HPCAL1: variants seen among roughly 807,000 people sequenced by gnomAD.
HPCAL1 encodes the protein hippocalcin-like protein 1.
Under a neutral mutation model 17.1 loss-of-function variants are expected in HPCAL1, and 8 were observed. The observed-to-expected ratio is 0.47, with a 90% CI of 0.27 to 0.84. The LOEUF (loss-of-function observed/expected upper bound fraction) is 0.84. Ranked by LOEUF, HPCAL1 falls within the 40% of genes least tolerant of loss-of-function variation. The pLI is 0.13. For synonymous variants in HPCAL1, 112 were observed against 111.4 expected (o/e 1.01, Z -0.03); for missense variants, 165 against 271.1 (o/e 0.61, Z 2.75).
chr2:10,328,931 T>C (rs1019983671), intron 1 of HPCAL1, among the ~76,000 whole-genome samples: 4 of 151,564 alleles, frequency 2.6e-5, no homozygotes, highest in Non-Finnish European at 5.9e-5. Flanking sequence ...TCACTAGTGG[T>C]GAGCCTTTAA....
chr2:10,309,085 A>G (rs1346923849), intron 1 of HPCAL1, among the ~76,000 whole-genome samples: 1 of 151,678 alleles, frequency 6.6e-6, no homozygotes, highest in African/African-American at 2.4e-5. Flanking sequence ...CCCAGGCTGG[A>G]GTGCAGTGAT....
At chr2:10,388,076 A>AG (rs1485107946) in intron 1 of HPCAL1, among the ~76,000 whole-genome samples, 2 of 152,110 alleles carry the variant, frequency 1.3e-5, no homozygotes, top group Non-Finnish European at 2.9e-5. Flanking sequence ...CTTCTGGACT[A>AG]GGGTTCTAAG....
At position 10,423,059 on chromosome 2, in the gene HPCAL1, T is replaced by C; in HGVS notation, c.455T>C (p.Ile152Thr). ...ACCCCGGAGAAGCGCACAGACAAGA[T>C]CTTCAGGCAGATGGACACCAACAAT... is the stretch of plus-strand genomic sequence containing the variant. ...ESTPEKRTDK[I>T]FRQMDTNNDG... The change falls in exon 4 of 5, where the codon ATC (isoleucine) becomes ACC (threonine). Residue 152 changes from isoleucine to threonine, a missense_variant. Coordinates refer to ENST00000307845, the MANE Select transcript of HPCAL1 (RefSeq NM_002149.4). 1 of 1,613,434 alleles carries C rather than the reference T, an allele frequency of 6.2e-7. No homozygotes were observed. Among genetic ancestry groups the C allele is most frequent in the Non-Finnish European group, 8.5e-7 (1 of 1,179,830 alleles).
intron 1 of HPCAL1, among the ~76,000 whole-genome samples, chr2:10,316,776 C>G (rs1274785439): frequency 6.6e-6 from 1 of 152,242 alleles, no homozygotes; most frequent in Non-Finnish European, 1.5e-5. Flanking sequence ...TTGCTACTCA[C>G]TCAGTGGCTG....
At position 10,377,401 on chromosome 2, in the gene HPCAL1, G is replaced by C. The variant is rs1667637198; in HGVS notation, c.-110-19434G>C. Reference sequence around the variant, plus strand: ...TGCAAAGGTAACTGGCATTCTGCCGGCTGCTCAACTCTGTGGACACCAGTA... The same window carrying C: ...TGCAAAGGTAACTGGCATTCTGCCGCCTGCTCAACTCTGTGGACACCAGTA... On this transcript the variant is annotated intron_variant, in intron 1 of 4. Coordinates refer to ENST00000307845, the MANE Select transcript of HPCAL1 (RefSeq NM_002149.4). This position sits in a 1 kb window ranked among gnomAD's most constrained non-coding sequence, Gnocchi z 5.9. Among the ~76,000 whole-genome samples, 1 of 152,200 alleles carries C rather than the reference G, an allele frequency of 6.6e-6. No homozygotes were observed. Among genetic ancestry groups the C allele is most frequent in the Admixed American group, 6.5e-5 (1 of 15,286 alleles).
intron 3 of HPCAL1, among the ~76,000 whole-genome samples, chr2:10,421,096 G>A (rs1266766883): frequency 6.6e-6 from 1 of 152,206 alleles, no homozygotes; most frequent in East Asian, 1.9e-4. Flanking sequence ...GCACTTGCAA[G>A]AGGTACCTGC....
chr2:10,362,673 A>G lies in HPCAL1; in HGVS notation c.-110-34162A>G, dbSNP rs924628264. 3.3e-5 allele frequency among the ~76,000 whole-genome samples: 5 copies of G among 152,064 alleles called. No individual in the cohort carries two copies. Among genetic ancestry groups the G allele is most frequent in the Non-Finnish European group, 7.4e-5 (5 of 67,982 alleles). ...TCCCATTTCTGCTGCTTTGGGAGAG[A>G]AGGGAGGGTAGCCCTGAGGCCATCC... On this transcript the variant is annotated intron_variant, in intron 1 of 4. Coordinates refer to ENST00000307845, the MANE Select transcript of HPCAL1 (RefSeq NM_002149.4). This position sits in a 1 kb window ranked among gnomAD's most constrained non-coding sequence, Gnocchi z 5.0.
chr2:10,349,895 A>G (rs1377498908), intron 1 of HPCAL1, among the ~76,000 whole-genome samples: 1 of 151,702 alleles, frequency 6.6e-6, no homozygotes, highest in Non-Finnish European at 1.5e-5. Flanking sequence ...CACTATCCAC[A>G]CTGTTAATGC....
At chr2:10,361,243 A>G (rs1666506937) in intron 1 of HPCAL1, among the ~76,000 whole-genome samples, 1 of 125,658 alleles carries the variant, frequency 8.0e-6, no homozygotes, top group African/African-American at 3.0e-5. Context: ...GAGGGATGGG[A>G]GGGAATGGGT....
intron 2 of HPCAL1, among the ~76,000 whole-genome samples, chr2:10,408,331 A>C (rs1670103247): frequency 6.6e-6 from 1 of 152,038 alleles, no homozygotes; most frequent in African/African-American, 2.4e-5. Context: ...TGGGGAGTTT[A>C]AGAGGCTGGG....
At position 10,344,825 on chromosome 2, in the gene HPCAL1, C is replaced by T. The variant is rs140616732; in HGVS notation, c.-111+41648C>T. 1.3e-3 allele frequency among the ~76,000 whole-genome samples: 199 copies of T among 152,112 alleles called. 2 individuals are homozygous for T. The highest frequency in any genetic ancestry group is 4.6e-3 in the African/African-American group (190 of 41,456). On this transcript the variant is annotated intron_variant, in intron 1 of 4. Coordinates refer to ENST00000307845, the MANE Select transcript of HPCAL1 (RefSeq NM_002149.4). This position sits in a 1 kb window ranked among gnomAD's most constrained non-coding sequence, Gnocchi z 4.9. Reference sequence around the variant, plus strand: ...TCTGCTTCTCTCTCTGTGTCTGTCTCTGTCTCTCTCTTTCTGTGTGTGTCT... The same window carrying T: ...TCTGCTTCTCTCTCTGTGTCTGTCTTTGTCTCTCTCTTTCTGTGTGTGTCT...
intron 2 of HPCAL1, among the ~76,000 whole-genome samples, chr2:10,411,424 A>T (rs1670345591): frequency 1.3e-5 from 2 of 152,216 alleles, no homozygotes; most frequent in South Asian, 4.1e-4. Context: ...AGCTCCTAGA[A>T]TCTTCACTGT....
In HPCAL1 at chr2:10,322,293, G is replaced by C. The variant is rs528940286; in HGVS notation, c.-111+19116G>C. On this transcript the variant is annotated intron_variant, in intron 1 of 4. Coordinates refer to ENST00000307845, the MANE Select transcript of HPCAL1 (RefSeq NM_002149.4). ...CCAAGTTAGCCTTATAAAGTGCTGGGATTAGAGGCATGAACCACTGCACCC... is the reference window on the plus strand; with the variant it reads ...CCAAGTTAGCCTTATAAAGTGCTGGCATTAGAGGCATGAACCACTGCACCC... 5.9e-5 allele frequency among the ~76,000 whole-genome samples: 9 copies of C among 152,306 alleles called. 1 individual carries two copies. The highest frequency in any genetic ancestry group is 1.9e-4 in the African/African-American group (8 of 41,568).
In HPCAL1 at chr2:10,394,636, G is replaced by A. The variant is rs545489124; in HGVS notation, c.-110-2199G>A. Among the ~76,000 whole-genome samples, 1 of 152,150 alleles carries A rather than the reference G, an allele frequency of 6.6e-6. No individual in the cohort carries two copies. The highest frequency in any genetic ancestry group is 2.4e-5 in the African/African-American group (1 of 41,424). ...GAACCCTAACGTGAGCTGCGGACCT[G>A]GGGGGTGATGATGGTCAGTGCAGGT... On this transcript the variant is annotated intron_variant, in intron 1 of 4. Coordinates refer to ENST00000307845, the MANE Select transcript of HPCAL1 (RefSeq NM_002149.4). The surrounding 1 kb of genome is among the most constrained non-coding windows in gnomAD (Gnocchi z 5.0).
At position 10,399,068 on chromosome 2, in the gene HPCAL1, C is replaced by T. The variant is rs576271437; in HGVS notation, c.-25+2148C>T. On this transcript the variant is annotated intron_variant, in intron 2 of 4. Transcript: ENST00000307845. ...AGGGGAGGCGCCTGGCCCGGCAGGT[C>T]GTGCTGAGGCTGATACCCGTGTCAA... Among the ~76,000 whole-genome samples the T allele has an allele frequency of 4.0e-5, 6 of 151,874 alleles. No individual in the cohort carries two copies. The East Asian group carries it at 1.2e-3, about 30-fold the overall frequency.
chr2:10,399,262 TCACCACCACCACCACCATCACCAC>T (rs1669306446), intron 2 of HPCAL1, among the ~76,000 whole-genome samples: 2 of 14,294 alleles, frequency 1.4e-4, no homozygotes, highest in South Asian at 3.6e-3. Context: ...ACCACCACCA[TCACCACCACCACCACCATCACCAC>T]CACCACCACC....
At chr2:10,400,717 C>T (rs1206258092) in intron 2 of HPCAL1, among the ~76,000 whole-genome samples, 1 of 152,180 alleles carries the variant, frequency 6.6e-6, no homozygotes, top group Non-Finnish European at 1.5e-5. Flanking sequence ...TCCTGTCTGA[C>T]AAGCATTGTG....
rs1239910020 is a variant in HPCAL1, at chr2:10,419,479, T to C, written c.-24-255T>C. On this transcript the variant is annotated intron_variant, in intron 2 of 4. Coordinates refer to ENST00000307845, the MANE Select transcript of HPCAL1 (RefSeq NM_002149.4). The surrounding 1 kb of genome is among the most constrained non-coding windows in gnomAD (Gnocchi z 5.0). ...CTGTTCCACTGATTTTAAGTTGCAT[T>C]TTCCCCCCCGCATTTCCACATTCTC... Among the ~76,000 whole-genome samples, 1 of 151,860 alleles carries C rather than the reference T, an allele frequency of 6.6e-6. No homozygotes were observed. The highest frequency in any genetic ancestry group is 2.4e-5 in the African/African-American group (1 of 41,334).
chr2:10,374,752 A>G (rs1667442692), intron 1 of HPCAL1, among the ~76,000 whole-genome samples: 1 of 152,226 alleles, frequency 6.6e-6, no homozygotes, highest in African/African-American at 2.4e-5. Context: ...CCTACGGCGT[A>G]GAGGAGGCGC....
Sources: gnomAD v4.1 joint callset for allele counts (sites outside exome capture counted in the v4.1 genomes callset) on GRCh38, gnomAD v4.1.1 for gene constraint, Gnocchi (gnomAD v3.1) non-coding constraint, MANE v1.5 for transcripts, NCBI Gene and HGNC (gene_info 2026-07-23, HGNC 2026-07-21) for gene names.